Variants in MYO3B observed in about 807,000 individuals in gnomAD.
The protein encoded by MYO3B is myosin IIIB, also known as myosin-IIIb.
In MYO3B, 156 loss-of-function variants were observed where a neutral mutation model predicts 174.6. That is an observed-to-expected ratio of 0.89 (90% CI 0.78 to 1.02). The LOEUF is 1.02. Ranked by LOEUF, MYO3B falls within the 50% of genes least tolerant of loss-of-function variation. MYO3B has a pLI of 0.00. For synonymous variants in MYO3B, 563 were observed against 569.1 expected (o/e 0.99, Z 0.15); for missense variants, 1,632 against 1,639.4 (o/e 1.00, Z 0.08).
At chr2:170,299,113 G>A (rs11684112) in intron 7 of MYO3B, among the ~76,000 whole-genome samples, 56,355 of 151,950 alleles carry the variant, frequency 0.37, 12,637 homozygotes, top group East Asian at 0.57. Flanking sequence ...ATGCATGACT[G>A]TATTATGATA....
chr2:170,443,596 G>A (rs1178648348), intron 22 of MYO3B, among the ~76,000 whole-genome samples: 1 of 151,940 alleles, frequency 6.6e-6, no homozygotes, highest in Non-Finnish European at 1.5e-5. Context: ...TATTGCTTAG[G>A]TTTTCTTCTA....
intron 32 of MYO3B, among the ~76,000 whole-genome samples, chr2:170,617,011 A>G (rs1164707730): frequency 6.6e-6 from 1 of 152,186 alleles, no homozygotes; most frequent in African/African-American, 2.4e-5. Context: ...CCTCCCATCC[A>G]TATAACAGTT....
At chr2:170,573,209 CAT>C (rs1219803603) in intron 32 of MYO3B, among the ~76,000 whole-genome samples, 2 of 125,200 alleles carry the variant, frequency 1.6e-5, no homozygotes, top group South Asian at 2.7e-4. Context: ...ATGTAATAAA[CAT>C]ATATGTATAC....
chr2:170,350,073 C>T (rs1045841427), intron 8 of MYO3B, among the ~76,000 whole-genome samples: 1 of 151,872 alleles, frequency 6.6e-6, no homozygotes, highest in African/African-American at 2.4e-5. Context: ...GCGATCTCGG[C>T]TCATTGCAAT....
chr2:170,447,421 G>A (rs1683285876), intron 23 of MYO3B, among the ~76,000 whole-genome samples: 1 of 152,136 alleles, frequency 6.6e-6, no homozygotes, highest in Non-Finnish European at 1.5e-5. Flanking sequence ...CACTTCTGAG[G>A]CTTCAGCATG....
chr2:170,219,412 C>T lies in MYO3B; in HGVS notation c.603+2017C>T, dbSNP rs145239865. On this transcript the variant is annotated intron_variant, in intron 6 of 34. Transcript: ENST00000408978. ...TAATCCCAGCACTTTGGGAGGCCGA[C>T]GCAGGCAGATCATTTGAGATCAGGA... 2.4e-3 allele frequency among the ~76,000 whole-genome samples: 361 copies of T among 151,874 alleles called. 1 individual carries two copies. The highest frequency in any genetic ancestry group is 4.0e-3 in the Non-Finnish European group (274 of 67,912).
chr2:170,629,421 G>A (rs962487235), intron 32 of MYO3B, among the ~76,000 whole-genome samples: 1 of 152,184 alleles, frequency 6.6e-6, no homozygotes, highest in Admixed American at 6.5e-5. Flanking sequence ...GAAGCTTCAT[G>A]AGGGTGATTT....
intron 32 of MYO3B, among the ~76,000 whole-genome samples, chr2:170,617,689 G>T (rs1426118462): frequency 1.3e-5 from 2 of 152,142 alleles, no homozygotes; most frequent in Non-Finnish European, 2.9e-5. Flanking sequence ...GAGGAAAAAA[G>T]GAGTTAAATC....
In MYO3B at chr2:170,221,451, A is replaced by ACAAT. The variant is rs113817522; in HGVS notation, c.603+4060_603+4063dup. 4.6e-5 allele frequency among the ~76,000 whole-genome samples: 7 copies of ACAAT among 152,298 alleles called. No individual in the cohort carries two copies. In the Middle Eastern group the frequency reaches 0.01, roughly 222 times the overall value. ...GTAGCTAATGGAATGTGACCACAGT[A>ACAAT]CAATCAAATGTTGATGAGCAGTCAA... On this transcript the variant is annotated intron_variant, in intron 6 of 34. Coordinates refer to ENST00000408978, the MANE Select transcript of MYO3B (RefSeq NM_138995.5).
chr2:170,289,087 A>G (rs1370847264), intron 7 of MYO3B, among the ~76,000 whole-genome samples: 1 of 151,916 alleles, frequency 6.6e-6, no homozygotes, highest in Non-Finnish European at 1.5e-5. Flanking sequence ...GACCTTTTTA[A>G]TGTGTTGTTG....
chr2:170,415,748 G>T (rs1224887624), intron 22 of MYO3B, among the ~76,000 whole-genome samples: 1 of 152,050 alleles, frequency 6.6e-6, no homozygotes, highest in African/African-American at 2.4e-5. Context: ...CTTCTTACAG[G>T]TAAGATGCTC....
chr2:170,228,008 G>A (rs1369506755), intron 6 of MYO3B, among the ~76,000 whole-genome samples: 1 of 152,148 alleles, frequency 6.6e-6, no homozygotes, highest in Admixed American at 6.5e-5. Flanking sequence ...TGGAAATGGA[G>A]CACTAACTGG....
At chr2:170,295,637 T>C (rs188737003) in intron 7 of MYO3B, among the ~76,000 whole-genome samples, 2 of 152,308 alleles carry the variant, frequency 1.3e-5, no homozygotes, top group African/African-American at 2.4e-5. Flanking sequence ...GATGTATCCA[T>C]GTTGAGCCAA....
At chr2:170,272,526 A>C (rs1031895179) in intron 7 of MYO3B, among the ~76,000 whole-genome samples, 1 of 152,168 alleles carries the variant, frequency 6.6e-6, no homozygotes, top group Non-Finnish European at 1.5e-5. Flanking sequence ...ACTCACCCAC[A>C]AGGAGTAGAC....
rs569376257 is a variant in MYO3B at position 170,625,008 on chromosome 2, G to C, written c.3734-26620G>C. ...GATTTTTGCATCGATGTTCATCAGG[G>C]ATATTGGTCTAAAATTCTCTTGTTT... is the stretch of plus-strand genomic sequence containing the variant. On this transcript the variant is annotated intron_variant, in intron 32 of 34. Coordinates refer to ENST00000408978, the MANE Select transcript of MYO3B (RefSeq NM_138995.5). 1.1e-4 allele frequency among the ~76,000 whole-genome samples: 17 copies of C among 152,328 alleles called. No homozygotes were observed. The East Asian group carries it at 3.3e-3, about 29-fold the overall frequency.
chr2:170,371,824 A>G (rs1277726253), intron 9 of MYO3B, among the ~76,000 whole-genome samples: 2 of 151,060 alleles, frequency 1.3e-5, no homozygotes, highest in East Asian at 3.9e-4. Context: ...CTGGCTTGGC[A>G]GGGTGTGGTG....
chr2:170,482,485 G>A (rs768008020), intron 25 of MYO3B, among the ~76,000 whole-genome samples: 4 of 152,156 alleles, frequency 2.6e-5, no homozygotes, highest in African/African-American at 4.8e-5. Context: ...CGCCATCCAC[G>A]TAAAATGTGA....
chr2:170,600,940 T>G (rs1031233039), intron 32 of MYO3B, among the ~76,000 whole-genome samples: 1 of 152,212 alleles, frequency 6.6e-6, no homozygotes, highest in African/African-American at 2.4e-5. Flanking sequence ...CTATGCGAAA[T>G]TTCTTAACTG....
intron 23 of MYO3B, among the ~76,000 whole-genome samples, chr2:170,462,819 A>C (rs1684378140): frequency 6.6e-6 from 1 of 152,248 alleles, no homozygotes; most frequent in Admixed American, 6.5e-5. Context: ...GATATTGAGA[A>C]CAGGTGCATT....
Sources: gnomAD v4.1 joint callset for allele counts (sites outside exome capture counted in the v4.1 genomes callset) on GRCh38, gnomAD v4.1.1 for gene constraint, MANE v1.5 for transcripts, NCBI Gene and HGNC (gene_info 2026-07-23, HGNC 2026-07-21) for gene names.